Variants in SEMA6D observed in about 807,000 individuals in gnomAD.
SEMA6D encodes the protein semaphorin-6D.
SEMA6D carries 35 observed loss-of-function variants against 106.6 expected under a neutral mutation model. The ratio of observed to expected loss-of-function variants is 0.33; its 90% CI spans 0.25 to 0.44. SEMA6D has a LOEUF of 0.44. SEMA6D is among the 20% of genes least tolerant of loss of function. The pLI is 1.00. For synonymous variants in SEMA6D, 499 were observed against 487.7 expected (o/e 1.02, Z -0.31); for missense variants, 1,185 against 1,345.9 (o/e 0.88, Z 1.87).
intron 1 of SEMA6D, among the ~76,000 whole-genome samples, chr15:47,288,630 G>T (rs1292791034): frequency 6.6e-6 from 1 of 152,128 alleles, no homozygotes; most frequent in African/African-American, 2.4e-5. Context: ...GTGAGTTAGT[G>T]AATGAATGCA....
chr15:47,237,189 A>C (rs1413523848), intron 1 of SEMA6D, among the ~76,000 whole-genome samples: 1 of 152,222 alleles, frequency 6.6e-6, no homozygotes, highest in East Asian at 1.9e-4. Context: ...CACTGTGGTC[A>C]TACTTATTTT....
intron 1 of SEMA6D, among the ~76,000 whole-genome samples, chr15:47,232,277 C>T (rs2032249130): frequency 1.3e-5 from 2 of 151,844 alleles, no homozygotes; most frequent in Admixed American, 1.3e-4. Context: ...TTGTTTCCAC[C>T]TTTTGGCAAC....
At chr15:47,580,084 T>C (rs16959700) in intron 3 of SEMA6D, among the ~76,000 whole-genome samples, 37,553 of 152,134 alleles carry the variant, frequency 0.25, 5,306 homozygotes, top group East Asian at 0.46. Context: ...CCCACCTGTC[T>C]GAGATGACCT....
intron 1 of SEMA6D, among the ~76,000 whole-genome samples, chr15:47,347,701 G>A (rs2038102682): frequency 6.6e-6 from 1 of 152,146 alleles, no homozygotes; most frequent in Non-Finnish European, 1.5e-5. Context: ...TCTATGTCCT[G>A]TCATTTCCTT....
rs1555431465 is a variant in SEMA6D, at chr15:47,772,811, C to CCCG, written c.*1027_*1028insCGC. 1 of 122,832 alleles carries CCCG rather than the reference C, an allele frequency of 8.1e-6. No homozygotes were observed. Among genetic ancestry groups the CCCG allele is most frequent in the African/African-American group, 3.0e-5 (1 of 33,388 alleles). 7.6% of individuals were successfully genotyped at this position (122,832 alleles called of 1,614,324 possible). On this transcript the variant is annotated 3_prime_UTR_variant, in exon 19 of 19. Transcript: ENST00000536845. ...TTTGATTGTGTTCGTTTCCCCCCCCCCAATAGTAAAATTTCTCCTCCTTTA... is the reference window on the plus strand; with the variant it reads ...TTTGATTGTGTTCGTTTCCCCCCCCCCCGCAATAGTAAAATTTCTCCTCCTTTA...
chr15:47,595,274 A>G (rs534818702), intron 3 of SEMA6D, among the ~76,000 whole-genome samples: 1 of 152,298 alleles, frequency 6.6e-6, no homozygotes, highest in Admixed American at 6.5e-5. Context: ...GAGAATTTTT[A>G]TTATGAAAAC....
intron 3 of SEMA6D, among the ~76,000 whole-genome samples, chr15:47,599,822 C>T (rs2076610901): frequency 6.6e-6 from 1 of 151,992 alleles, no homozygotes; most frequent in Non-Finnish European, 1.5e-5. Flanking sequence ...CAATTTTGCC[C>T]ATTAAGAAAG....
chr15:47,217,874 TACACACAC>T (rs150525483), intron 1 of SEMA6D, among the ~76,000 whole-genome samples: 30 of 143,146 alleles, frequency 2.1e-4, no homozygotes, highest in African/African-American at 6.8e-4. Context: ...TGTACACACA[TACACACAC>T]ACACACACAC....
At chr15:47,282,369 A>C (rs2035165144) in intron 1 of SEMA6D, among the ~76,000 whole-genome samples, 1 of 152,092 alleles carries the variant, frequency 6.6e-6, no homozygotes, top group South Asian at 2.1e-4. Flanking sequence ...TTGTGATATT[A>C]ATCCTGATTT....
At chr15:47,724,009 G>A (rs1196131093) in intron 1 of SEMA6D, among the ~76,000 whole-genome samples, 1 of 152,204 alleles carries the variant, frequency 6.6e-6, no homozygotes, top group East Asian at 1.9e-4. Context: ...CTCCCCAGGA[G>A]CAGGCTGTCA....
chr15:47,453,388 C>G (rs1448109590), intron 2 of SEMA6D, among the ~76,000 whole-genome samples: 1 of 151,788 alleles, frequency 6.6e-6, no homozygotes, highest in Non-Finnish European at 1.5e-5. Flanking sequence ...AATGCTAAAC[C>G]TCACATAGAA....
At chr15:47,653,766 T>C (rs2077738653) in intron 4 of SEMA6D, among the ~76,000 whole-genome samples, 1 of 152,218 alleles carries the variant, frequency 6.6e-6, no homozygotes, top group Non-Finnish European at 1.5e-5. Context: ...GTATGCCGCA[T>C]AGTAAACAGC....
At chr15:47,621,991 A>G (rs1315818287) in intron 4 of SEMA6D, among the ~76,000 whole-genome samples, 1 of 152,138 alleles carries the variant, frequency 6.6e-6, no homozygotes, top group Admixed American at 6.5e-5. Context: ...AAAGTGTGGG[A>G]TAGTAACCTG....
At chr15:47,560,187 G>A (rs1160551495) in intron 3 of SEMA6D, among the ~76,000 whole-genome samples, 1 of 151,308 alleles carries the variant, frequency 6.6e-6, no homozygotes, top group Non-Finnish European at 1.5e-5. Flanking sequence ...ATGCAAAGAA[G>A]CAAGAAAGAC....
intron 1 of SEMA6D, among the ~76,000 whole-genome samples, chr15:47,734,756 G>A (rs2080347099): frequency 6.6e-6 from 1 of 152,164 alleles, no homozygotes; most frequent in Non-Finnish European, 1.5e-5. Flanking sequence ...CTAGGTTTGA[G>A]TTTTAAGTGT....
In SEMA6D at chr15:47,764,000, A is replaced by G. The variant is rs139998313; in HGVS notation, c.898A>G (p.Ile300Val). ...TTTCTACTTTGATGTTCTGCAGTCT[A>G]TTACAGACATAATACAAATCAATGG... Reference protein sequence around the residue: ...SFFYFDVLQSITDIIQINGIP... With the variant: ...SFFYFDVLQSVTDIIQINGIP... Residue 300 changes from isoleucine to valine, a missense_variant, in exon 10 of 19, where the codon ATT becomes GTT. Ile to Val is a conservative substitution (Grantham distance 29, BLOSUM62 3). Coordinates refer to ENST00000536845, the MANE Select transcript of SEMA6D (RefSeq NM_001358351.3). The G allele has an allele frequency of 1.1e-4, 180 of 1,613,824 alleles. No homozygotes were observed. The highest frequency in any genetic ancestry group is 9.9e-4 in the Middle Eastern group (6 of 6,080).
At chr15:47,488,228 G>GA (rs1162228475) in intron 3 of SEMA6D, among the ~76,000 whole-genome samples, 1 of 152,084 alleles carries the variant, frequency 6.6e-6, no homozygotes, top group East Asian at 1.9e-4. Context: ...GAGGAAACAT[G>GA]AAAAACCCTT....
chr15:47,578,398 G>A (rs570286956), intron 3 of SEMA6D, among the ~76,000 whole-genome samples: 23 of 152,256 alleles, frequency 1.5e-4, no homozygotes, highest in African/African-American at 5.1e-4. Flanking sequence ...TTCAGATTTT[G>A]TGTTTGTTTA....
At position 47,519,968 on chromosome 15, in the gene SEMA6D, T is replaced by C. The variant is rs139463943; in HGVS notation, c.-87+49423T>C. Among the ~76,000 whole-genome samples, 1,329 of 152,344 alleles carry C rather than the reference T, an allele frequency of 8.7e-3. 20 individuals carry two copies. Among genetic ancestry groups the C allele is most frequent in the South Asian group, 0.078 (378 of 4,828 alleles). On this transcript the variant is annotated intron_variant, in intron 3 of 19. Coordinates refer to the SEMA6D transcript ENST00000558014. ...AGACCCTCTTTTCAGCATTGGATTC[T>C]CAGCCTATGCTAATCTTTCCTCATG...
Sources: gnomAD v4.1 joint callset for allele counts (sites outside exome capture counted in the v4.1 genomes callset) on GRCh38, gnomAD v4.1.1 for gene constraint, MANE v1.5 for transcripts, NCBI Gene and HGNC (gene_info 2026-07-23, HGNC 2026-07-21) for gene names.